FGGY: variants seen among roughly 807,000 people sequenced by gnomAD.
FGGY encodes the protein FGGY carbohydrate kinase domain-containing protein.
Under a neutral mutation model 71.3 loss-of-function variants are expected in FGGY, and 72 were observed. That is an observed-to-expected ratio of 1.01 (90% confidence interval 0.84 to 1.23). The LOEUF (loss-of-function observed/expected upper bound fraction) is 1.23, where lower values mean the gene tolerates loss of function less well. Among genes scored for constraint, FGGY ranks in the 50% most tolerant of loss-of-function variants. The probability of loss-of-function intolerance (pLI) is 0.00; values close to 1 mark genes in which losing one functional copy is unlikely to be tolerated. For missense variants in FGGY, 668 were observed against 682.3 expected, an observed-to-expected ratio of 0.98 and a Z score of 0.23; for synonymous variants, 251 against 250.3, an observed-to-expected ratio of 1.00 and a Z score of -0.02.
intron 9 of FGGY, 46 bp downstream of exon 9, chr1:59,607,956 T>A: frequency 6.7e-7 from 1 of 1,491,108 alleles, no homozygotes; most frequent in Non-Finnish European, 9.3e-7. Context: ...TTTTATGTCA[T>A]TGATTAGTCC....
At chr1:59,404,966 G>A (rs914900923) in intron 5 of FGGY, among the ~76,000 whole-genome samples, 1 of 152,178 alleles carries the variant, frequency 6.6e-6, no homozygotes, top group African/African-American at 2.4e-5. Context: ...AATGCAACAC[G>A]TGATGATGAG....
chr1:59,429,955 G>T (rs770348093), intron 5 of FGGY, among the ~76,000 whole-genome samples: 3 of 152,148 alleles, frequency 2.0e-5, no homozygotes, highest in African/African-American at 7.2e-5. Context: ...TTTTATAGCT[G>T]CATGATCCTG....
chr1:59,583,764 G>C, intron 8 of FGGY, among the ~76,000 whole-genome samples: 1 of 142,312 alleles, frequency 7.0e-6, no homozygotes, highest in Non-Finnish European at 1.5e-5. Context: ...CGAGCCAGGA[G>C]AGCCAGTGGA....
At chr1:59,391,514 G>T (rs74087420) in intron 5 of FGGY, among the ~76,000 whole-genome samples, 3 of 152,102 alleles carry the variant, frequency 2.0e-5, no homozygotes, top group Non-Finnish European at 4.4e-5. Flanking sequence ...GAAGGTTGAG[G>T]TTGCTTCTTT....
intron 6 of FGGY, among the ~76,000 whole-genome samples, chr1:59,459,480 A>G (rs2091992178): frequency 6.6e-6 from 1 of 152,168 alleles, no homozygotes; most frequent in African/African-American, 2.4e-5. Flanking sequence ...TTACAGTTGA[A>G]ACTGTACAAG....
At chr1:59,546,141 A>G (rs1396397143) in intron 7 of FGGY, among the ~76,000 whole-genome samples, 1 of 152,190 alleles carries the variant, frequency 6.6e-6, no homozygotes, top group East Asian at 1.9e-4. Context: ...TGGTGAAAAT[A>G]TATTGAGTAA....
chr1:59,335,376 A>G (rs2049280945), intron 2 of FGGY, among the ~76,000 whole-genome samples: 2 of 152,200 alleles, frequency 1.3e-5, no homozygotes. Flanking sequence ...GTTGTTACAT[A>G]TATCAGTAGT....
chr1:59,578,123 G>C (rs902989057), intron 8 of FGGY, among the ~76,000 whole-genome samples: 3 of 152,136 alleles, frequency 2.0e-5, no homozygotes, highest in African/African-American at 7.2e-5. Flanking sequence ...GTATCTGAGA[G>C]AGTAGAGCAA....
Position 59,725,614 on chromosome 1 carries a change from G to A in FGGY, c.1513-32317G>A, listed in dbSNP as rs113055720. 2.0e-5 allele frequency among the ~76,000 whole-genome samples: 3 copies of A among 150,752 alleles called. No individual in the cohort carries two copies. In the East Asian group the frequency reaches 5.8e-4, roughly 29 times the overall value. ...TTTATACCTAAGTGTTTTTGTGGGGGTTTTTTTTGTTTTTTGTTTTTTGTT... is the reference window on the plus strand; with the variant it reads ...TTTATACCTAAGTGTTTTTGTGGGGATTTTTTTTGTTTTTTGTTTTTTGTT... On this transcript the variant is annotated intron_variant, in intron 14 of 15. Coordinates refer to ENST00000303721, the MANE Select transcript of FGGY (RefSeq NM_018291.5).
chr1:59,688,010 A>G (rs1364556787), intron 14 of FGGY, among the ~76,000 whole-genome samples: 2 of 152,212 alleles, frequency 1.3e-5, no homozygotes, highest in African/African-American at 4.8e-5. Context: ...GTTCACTTGG[A>G]CTAAAGCTCA....
intron 11 of FGGY, 123 bp from the exon 12 acceptor site, chr1:59,660,094 AAG>A: frequency 2.5e-6 from 2 of 787,196 alleles, no homozygotes; most frequent in Non-Finnish European, 4.2e-6. Flanking sequence ...CGCTCACAAA[AAG>A]GGGATTTGCA....
In FGGY at chr1:59,555,626, G is replaced by A. The variant is rs997688463; in HGVS notation, c.903+1399G>A. ...ATAGAATCTTCTTGAGGTGACATTTGTGCTGGACTTTAAGGAAATAGATTT... is the reference window on the plus strand; with the variant it reads ...ATAGAATCTTCTTGAGGTGACATTTATGCTGGACTTTAAGGAAATAGATTT... On this transcript the variant is annotated intron_variant, in intron 8 of 15. Transcript: ENST00000303721. Among the ~76,000 whole-genome samples, 51 of 152,196 alleles carry A rather than the reference G, an allele frequency of 3.4e-4. 1 individual carries two copies. Among genetic ancestry groups the A allele is most frequent in the African/African-American group, 1.1e-3 (47 of 41,450 alleles).
chr1:59,717,191 T>G (rs1040090193), intron 14 of FGGY, among the ~76,000 whole-genome samples: 1 of 152,188 alleles, frequency 6.6e-6, no homozygotes. Flanking sequence ...AGTTCAACAG[T>G]GCAGAGCTTT....
chr1:59,361,761 G>A (rs1218823061), intron 4 of FGGY, among the ~76,000 whole-genome samples: 2 of 152,134 alleles, frequency 1.3e-5, no homozygotes, highest in African/African-American at 2.4e-5. Flanking sequence ...TGAGAACTCC[G>A]GAGAAGATGA....
At chr1:59,408,149 G>C (rs1262965631) in intron 5 of FGGY, among the ~76,000 whole-genome samples, 1 of 152,178 alleles carries the variant, frequency 6.6e-6, no homozygotes, top group Non-Finnish European at 1.5e-5. Context: ...TTTGCCACCT[G>C]CAAGCTGTGT....
intron 8 of FGGY, among the ~76,000 whole-genome samples, chr1:59,568,856 CAT>C (rs112563153): frequency 2.6e-5 from 4 of 152,168 alleles, no homozygotes; most frequent in African/African-American, 9.6e-5. Flanking sequence ...GTAGTCAACA[CAT>C]AGTTTATAAT....
chr1:59,501,572 C>T (rs746347711), intron 6 of FGGY, among the ~76,000 whole-genome samples: 1 of 152,152 alleles, frequency 6.6e-6, no homozygotes, highest in Non-Finnish European at 1.5e-5. Context: ...TTGCATGGGT[C>T]TTGAAAGCAT....
intron 1 of FGGY, among the ~76,000 whole-genome samples, chr1:59,299,752 C>T (rs1409011371): frequency 6.6e-6 from 1 of 152,186 alleles, no homozygotes; most frequent in Non-Finnish European, 1.5e-5. Context: ...GTGTCGTTCC[C>T]CTATTGGCTA....
At chr1:59,391,002 G>T (rs116011255) in intron 5 of FGGY, among the ~76,000 whole-genome samples, 8 of 152,136 alleles carry the variant, frequency 5.3e-5, no homozygotes, top group Non-Finnish European at 7.3e-5. Flanking sequence ...ATTCAAACCC[G>T]TATAAGAGCC....
Sources: gnomAD v4.1 joint callset for allele counts (sites outside exome capture counted in the v4.1 genomes callset) on GRCh38, gnomAD v4.1.1 for gene constraint, MANE v1.5 for transcripts, NCBI Gene and HGNC (gene_info 2026-07-23, HGNC 2026-07-21) for gene names.